The following EVI5 variants were observed in gnomAD, a reference collection of about 807,000 sequenced individuals.
The protein encoded by EVI5 is ecotropic viral integration site 5 protein homolog.
Under a neutral mutation model 112.0 loss-of-function variants are expected in EVI5, and 73 were observed. That is an observed-to-expected ratio of 0.65 (90% CI 0.54 to 0.79). The LOEUF (loss-of-function observed/expected upper bound fraction) is 0.79. Ranked by LOEUF, EVI5 falls within the 30% of genes least tolerant of loss-of-function variation. The pLI is 0.00. For missense variants in EVI5, 900 were observed against 968.8 expected (o/e 0.93, Z 0.94); for synonymous variants, 305 against 319.9 (o/e 0.95, Z 0.50).
At chr1:92,763,588 C>G (rs920045058) in intron 1 of EVI5, among the ~76,000 whole-genome samples, 5 of 151,848 alleles carry the variant, frequency 3.3e-5, no homozygotes, top group African/African-American at 1.2e-4. Flanking sequence ...ACACTCTGGC[C>G]TGGGTGAAAG....
intron 18 of EVI5, among the ~76,000 whole-genome samples, chr1:92,587,701 T>C (rs1348183649): frequency 6.6e-6 from 1 of 152,160 alleles, no homozygotes; most frequent in Non-Finnish European, 1.5e-5. Flanking sequence ...CCCTAGAGGT[T>C]ATCTGTTGGG....
At chr1:92,611,714 A>G (rs1278250897) in intron 16 of EVI5, among the ~76,000 whole-genome samples, 1 of 151,020 alleles carries the variant, frequency 6.6e-6, no homozygotes, top group East Asian at 1.9e-4. Flanking sequence ...AAAAAAAAAA[A>G]AAAAAGAGTG....
intron 1 of EVI5, among the ~76,000 whole-genome samples, chr1:92,774,352 C>T (rs143422494): frequency 0.02 from 3,049 of 152,218 alleles, 56 homozygotes; most frequent in Non-Finnish European, 0.029. Flanking sequence ...CACTTTTATA[C>T]AGTATCTGCT....
rs1321614163 is a variant in EVI5 at position 92,613,456 on chromosome 1, G to A, written c.1828-5729C>T. ...TGTGATTACAGGCATACAGCACCAC[G>A]TCTGGCTAATTTTTGTATTTTTAGT... On this transcript the variant is annotated intron_variant, in intron 16 of 19. Transcript: ENST00000684568. Among the ~76,000 whole-genome samples, 6 of 152,108 alleles carry A rather than the reference G, an allele frequency of 3.9e-5. 1 individual carries two copies. Among genetic ancestry groups the A allele is most frequent in the African/African-American group, 1.4e-4 (6 of 41,516 alleles).
intron 18 of EVI5, among the ~76,000 whole-genome samples, chr1:92,575,939 T>C (rs1671014082): frequency 1.3e-5 from 2 of 152,182 alleles, no homozygotes; most frequent in Non-Finnish European, 1.5e-5. Flanking sequence ...TTGTATATTA[T>C]CTAAGCTGAA....
chr1:92,621,989 T>C (rs761587040), intron 16 of EVI5, among the ~76,000 whole-genome samples: 15 of 151,814 alleles, frequency 9.9e-5, no homozygotes, highest in Admixed American at 2.0e-4. Flanking sequence ...GGCGTGGTAG[T>C]GGGCGCCTGT....
At chr1:92,673,143 A>C (rs1666145494) in intron 10 of EVI5, among the ~76,000 whole-genome samples, 1 of 147,324 alleles carries the variant, frequency 6.8e-6, no homozygotes, top group Non-Finnish European at 1.5e-5. Context: ...CTTCACATTG[A>C]TTGTTAAAAT....
chr1:92,774,514 C>T (rs759722488), intron 1 of EVI5, among the ~76,000 whole-genome samples: 8 of 152,318 alleles, frequency 5.3e-5, no homozygotes, highest in South Asian at 2.1e-4. Context: ...TCAGTGCTTA[C>T]GCTTTCCTAT....
intron 19 of EVI5, among the ~76,000 whole-genome samples, chr1:92,523,215 T>A (rs889948431): frequency 6.6e-6 from 1 of 152,132 alleles, no homozygotes; most frequent in African/African-American, 2.4e-5. Context: ...ATGGAATATT[T>A]TTTTAAAAAT....
At chr1:92,732,390 G>T in intron 2 of EVI5, 1 of 277,580 alleles carries the variant, frequency 3.6e-6, no homozygotes, top group Non-Finnish European at 7.1e-6. Flanking sequence ...AGCAAAGAAG[G>T]GAAAGGTGAC....
chr1:92,767,945 T>C, intron 1 of EVI5, among the ~76,000 whole-genome samples: 1 of 152,104 alleles, frequency 6.6e-6, no homozygotes. Flanking sequence ...CTAGGCATGG[T>C]GGCAAACGCC....
chr1:92,527,675 A>G (rs1168543065), intron 19 of EVI5, among the ~76,000 whole-genome samples: 2 of 152,142 alleles, frequency 1.3e-5, no homozygotes, highest in Non-Finnish European at 2.9e-5. Context: ...CACCATTCTG[A>G]TATCTACCAT....
chr1:92,530,428 C>T (rs1041162791), intron 19 of EVI5, among the ~76,000 whole-genome samples: 2 of 152,106 alleles, frequency 1.3e-5, no homozygotes, highest in African/African-American at 2.4e-5. Flanking sequence ...ACACAGCGTT[C>T]GAGCTCTGAT....
chr1:92,557,167 T>C (rs934156188), intron 19 of EVI5, among the ~76,000 whole-genome samples: 2 of 152,210 alleles, frequency 1.3e-5, no homozygotes, highest in East Asian at 3.8e-4. Context: ...ATACAATGAT[T>C]ATTCCTACAA....
intron 1 of EVI5, among the ~76,000 whole-genome samples, chr1:92,769,489 C>T (rs1261834955): frequency 6.6e-6 from 1 of 152,160 alleles, no homozygotes. Flanking sequence ...CCCCCTGCCA[C>T]CCTACCTGCC....
At chr1:92,624,050 A>G in intron 16 of EVI5, 126 bp downstream of exon 16, 1 of 779,392 alleles carries the variant, frequency 1.3e-6, no homozygotes, top group South Asian at 2.0e-5. Flanking sequence ...TTTGGGCTAG[A>G]AAACTGCGGT....
At chr1:92,741,002 G>C (rs761335547) in intron 1 of EVI5, among the ~76,000 whole-genome samples, 6 of 152,142 alleles carry the variant, frequency 3.9e-5, no homozygotes, top group Non-Finnish European at 8.8e-5. Context: ...GGTGCCAGAG[G>C]TTTGGAAACA....
chr1:92,710,174 C>T (rs1672635108), intron 2 of EVI5, among the ~76,000 whole-genome samples: 1 of 148,132 alleles, frequency 6.8e-6, no homozygotes, highest in African/African-American at 2.5e-5. Context: ...GAAACCCCAT[C>T]TCTACTAAAA....
intron 18 of EVI5, among the ~76,000 whole-genome samples, chr1:92,599,807 A>G (rs1300037518): frequency 2.6e-5 from 4 of 152,222 alleles, no homozygotes; most frequent in African/African-American, 9.6e-5. Context: ...AGAATACAGC[A>G]TGTATGTGTA....
Sources: gnomAD v4.1 joint callset for allele counts (sites outside exome capture counted in the v4.1 genomes callset) on GRCh38, gnomAD v4.1.1 for gene constraint, MANE v1.5 for transcripts, NCBI Gene and HGNC (gene_info 2026-07-23, HGNC 2026-07-21) for gene names.